The following GUCY1A2 variants were observed in gnomAD, a reference collection of about 807,000 sequenced individuals.
GUCY1A2 encodes the protein guanylate cyclase 1 soluble subunit alpha 2, also known as guanylate cyclase soluble subunit alpha-2.
A neutral mutation model predicts 63.5 loss-of-function variants in GUCY1A2; 27 were observed. The observed-to-expected ratio is 0.43, with a 90% CI of 0.31 to 0.59. GUCY1A2 has a LOEUF of 0.59. GUCY1A2 is among the 20% of genes least tolerant of loss of function. The pLI, the probability that GUCY1A2 is intolerant of heterozygous loss-of-function variation, is 0.11. For synonymous variants in GUCY1A2, 364 were observed against 343.5 expected (o/e 1.06, Z -0.66); for missense variants, 768 against 913.3 (o/e 0.84, Z 2.05).
chr11:106,828,504 T>C lies in GUCY1A2; in HGVS notation c.1207-18026A>G, dbSNP rs530622106. Among the ~76,000 whole-genome samples, 59 of 152,318 alleles carry C rather than the reference T, an allele frequency of 3.9e-4. 1 individual carries two copies. The South Asian group carries it at 0.012, about 30-fold the overall frequency. ...GTCAACTTTGTCAAATATCAGTTGA[T>C]TGCAGGTATGTGGCCTTATTTCAGA... On this transcript the variant is annotated intron_variant, in intron 4 of 7. Transcript: ENST00000526355.
chr11:106,779,393 A>T (rs1864419546), intron 5 of GUCY1A2, among the ~76,000 whole-genome samples: 1 of 152,198 alleles, frequency 6.6e-6, no homozygotes, highest in African/African-American at 2.4e-5. Flanking sequence ...TACCCCTAAT[A>T]AGACAATGTT....
chr11:106,866,979 T>C (rs1859602752), intron 4 of GUCY1A2, among the ~76,000 whole-genome samples: 1 of 152,036 alleles, frequency 6.6e-6, no homozygotes, highest in Non-Finnish European at 1.5e-5. Flanking sequence ...TAGGTACTGC[T>C]TTCCCCTAAG....
chr11:106,727,755 A>G (rs1280158116), intron 6 of GUCY1A2, among the ~76,000 whole-genome samples: 1 of 152,166 alleles, frequency 6.6e-6, no homozygotes, highest in Non-Finnish European at 1.5e-5. Context: ...TGCCTTCTAA[A>G]TGTCTCCATA....
chr11:106,912,437 G>A (rs1042885636), intron 4 of GUCY1A2, among the ~76,000 whole-genome samples: 4 of 151,906 alleles, frequency 2.6e-5, no homozygotes, highest in African/African-American at 9.7e-5. Context: ...TCCTATATAA[G>A]CATTCTCTTG....
chr11:106,906,956 G>C (rs1181769770), intron 4 of GUCY1A2, among the ~76,000 whole-genome samples: 1 of 152,076 alleles, frequency 6.6e-6, no homozygotes, highest in Non-Finnish European at 1.5e-5. Flanking sequence ...ACTAGGGGAG[G>C]GATAGCATTA....
intron 1 of GUCY1A2, among the ~76,000 whole-genome samples, chr11:106,993,452 C>T (rs1444797116): frequency 6.6e-6 from 1 of 152,042 alleles, no homozygotes; most frequent in Non-Finnish European, 1.5e-5. Context: ...ATTGTGTAGT[C>T]ATCAATCTTG....
rs189121757 is a variant in GUCY1A2, at chr11:106,736,673, A to G, written c.1837-28007T>C. 1.7e-4 allele frequency among the ~76,000 whole-genome samples: 26 copies of G among 152,224 alleles called. No individual in the cohort carries two copies. The East Asian group carries it at 2.5e-3, about 15-fold the overall frequency. ...TTTTTCTATTTCTGTGAAGAATGTC[A>G]TTAGTATTTTGATAGTGATTGCATT... On this transcript the variant is annotated intron_variant, in intron 6 of 7. Coordinates refer to ENST00000526355, the MANE Select transcript of GUCY1A2 (RefSeq NM_000855.3).
chr11:106,975,021 C>T (rs993188230), intron 3 of GUCY1A2, among the ~76,000 whole-genome samples: 1 of 152,128 alleles, frequency 6.6e-6, no homozygotes, highest in Non-Finnish European at 1.5e-5. Flanking sequence ...CACCCCAACT[C>T]CCCCATCTGG....
intron 2 of GUCY1A2, among the ~76,000 whole-genome samples, chr11:106,983,286 T>C (rs1861361247): frequency 6.6e-6 from 1 of 152,196 alleles, no homozygotes; most frequent in Admixed American, 6.5e-5. Context: ...CCAACTTGAA[T>C]GATCTCTATG....
chr11:106,790,164 C>T lies in GUCY1A2; in HGVS notation c.1693-13582G>A, dbSNP rs185830147. 1.1e-3 allele frequency among the ~76,000 whole-genome samples: 161 copies of T among 152,266 alleles called. 1 individual carries two copies. Among genetic ancestry groups the T allele is most frequent in the East Asian group, 4.1e-3 (21 of 5,172 alleles). ...TGGAATAAAAAAACTTGGAAGTCTA[C>T]GTGGTTTTCTATTCTAGTGTGGTTG... is the stretch of plus-strand genomic sequence containing the variant. On this transcript the variant is annotated intron_variant, in intron 5 of 7. Transcript: ENST00000526355.
chr11:106,766,028 G>A (rs1864156381), intron 6 of GUCY1A2, among the ~76,000 whole-genome samples: 2 of 152,084 alleles, frequency 1.3e-5, no homozygotes, highest in Admixed American at 1.3e-4. Context: ...CAGCCATTAG[G>A]AAAAAGCAAG....
intron 7 of GUCY1A2, among the ~76,000 whole-genome samples, chr11:106,688,058 T>C (rs1591230258): frequency 1.3e-5 from 2 of 152,240 alleles, no homozygotes; most frequent in South Asian, 2.1e-4. Flanking sequence ...TCAAATGTTA[T>C]TGTTTTCCCT....
chr11:106,722,401 A>C (rs1202275215), intron 6 of GUCY1A2, among the ~76,000 whole-genome samples: 1 of 152,098 alleles, frequency 6.6e-6, no homozygotes, highest in Non-Finnish European at 1.5e-5. Flanking sequence ...TGGCTGCAAA[A>C]AGAAAAAAAA....
intron 3 of GUCY1A2, among the ~76,000 whole-genome samples, chr11:106,966,269 G>A (rs1228218226): frequency 6.6e-6 from 1 of 151,976 alleles, no homozygotes; most frequent in African/African-American, 2.4e-5. Flanking sequence ...ACCAGGCCTG[G>A]CTAGTTTTTA....
At chr11:106,978,430 G>A (rs913815351) in intron 3 of GUCY1A2, among the ~76,000 whole-genome samples, 189 bp downstream of exon 3, 5 of 152,136 alleles carry the variant, frequency 3.3e-5, no homozygotes, top group Non-Finnish European at 5.9e-5. Flanking sequence ...CCATCTCTAA[G>A]TAAGTGGCAT....
intron 1 of GUCY1A2, among the ~76,000 whole-genome samples, chr11:107,009,485 T>C (rs747335947): frequency 6.6e-6 from 1 of 152,144 alleles, no homozygotes; most frequent in African/African-American, 2.4e-5. Context: ...CCCCAACCTT[T>C]TCAAATATCT....
At chr11:106,810,594 T>C (rs1200519222) in intron 4 of GUCY1A2, 116 bp from the exon 5 acceptor site, 1 of 753,122 alleles carries the variant, frequency 1.3e-6, no homozygotes, top group African/African-American at 1.8e-5. Flanking sequence ...ACTGAGTTAC[T>C]GCATTCATAT....
intron 6 of GUCY1A2, among the ~76,000 whole-genome samples, chr11:106,724,250 C>A (rs567455231): frequency 2.8e-4 from 42 of 152,372 alleles, no homozygotes; most frequent in Admixed American, 1.2e-3. Flanking sequence ...ACATGGCAGG[C>A]AGAATTGGCC....
intron 7 of GUCY1A2, 101 bp from the exon 8 acceptor site, chr11:106,687,857 A>T: frequency 1.3e-6 from 1 of 743,294 alleles, no homozygotes; most frequent in East Asian, 2.5e-5. Flanking sequence ...CTGACTGTTC[A>T]TGGTAATACC....
Sources: allele counts gnomAD v4.1 joint callset (sites outside exome capture counted in the v4.1 genomes callset), GRCh38; gene constraint gnomAD v4.1.1; transcripts MANE v1.5; gene names NCBI Gene and HGNC (gene_info 2026-07-23, HGNC 2026-07-21).